CCSER1: variants seen among roughly 807,000 people sequenced by gnomAD.
The protein encoded by CCSER1 is serine-rich coiled-coil domain-containing protein 1.
CCSER1 carries 41 observed loss-of-function variants against 82.0 expected under a neutral mutation model. The observed-to-expected ratio is 0.50, with a 90% CI of 0.39 to 0.65. CCSER1 has a LOEUF of 0.65. Among genes scored for constraint, CCSER1 ranks in the 30% least tolerant of loss-of-function variants. CCSER1 has a pLI of 0.00. For synonymous variants in CCSER1, 414 were observed against 383.9 expected, an observed-to-expected ratio of 1.08 and a Z score of -0.92; for missense variants, 1,119 against 1,064.2, an observed-to-expected ratio of 1.05 and a Z score of -0.72.
intron 1 of CCSER1, among the ~76,000 whole-genome samples, chr4:90,295,831 C>T (rs115209574): frequency 6.6e-6 from 1 of 151,938 alleles, no homozygotes; most frequent in Admixed American, 6.6e-5. Flanking sequence ...ATCCACATAT[C>T]CCCAGTGTCC....
intron 10 of CCSER1, among the ~76,000 whole-genome samples, chr4:91,404,786 A>C (rs1036766358): frequency 6.6e-6 from 1 of 152,116 alleles, no homozygotes; most frequent in African/African-American, 2.4e-5. Flanking sequence ...CTGTTCTTTT[A>C]CATTTGCTGA....
intron 3 of CCSER1, among the ~76,000 whole-genome samples, chr4:90,398,484 T>C (rs1378249904): frequency 1.3e-5 from 2 of 152,242 alleles, no homozygotes; most frequent in East Asian, 1.9e-4. Flanking sequence ...TTGGATAGTG[T>C]GTTTGATAAA....
At chr4:90,720,403 T>A (rs1035334176) in intron 6 of CCSER1, among the ~76,000 whole-genome samples, 1 of 152,212 alleles carries the variant, frequency 6.6e-6, no homozygotes, top group African/African-American at 2.4e-5. Context: ...ATAAGACTTA[T>A]ACAATAAAAT....
chr4:90,835,480 A>G (rs766925331), intron 8 of CCSER1, among the ~76,000 whole-genome samples: 10 of 152,204 alleles, frequency 6.6e-5, no homozygotes, highest in Non-Finnish European at 1.2e-4. Flanking sequence ...TTTACTGTGT[A>G]CGGTATTTAT....
At chr4:90,603,824 T>C (rs942534645) in intron 5 of CCSER1, among the ~76,000 whole-genome samples, 1 of 152,112 alleles carries the variant, frequency 6.6e-6, no homozygotes, top group Non-Finnish European at 1.5e-5. Context: ...ACCCTGTTTG[T>C]AGATGATTTA....
rs560839281 is a variant in CCSER1, at chr4:90,371,010, T to C, written c.1510-29026T>C. 2.4e-4 allele frequency among the ~76,000 whole-genome samples: 36 copies of C among 152,136 alleles called. 1 individual carries two copies. In the South Asian group the frequency reaches 4.8e-3, roughly 20 times the overall value. ...AGCTCATAAGGCTACATTTCTCAGC[T>C]GGGTACAAAACTTGATGAATTAGCA... is the stretch of plus-strand genomic sequence containing the variant. On this transcript the variant is annotated intron_variant, in intron 3 of 10. Transcript: ENST00000509176.
intron 6 of CCSER1, among the ~76,000 whole-genome samples, chr4:90,646,169 T>A (rs1293047114): frequency 6.6e-6 from 1 of 151,954 alleles, no homozygotes; most frequent in Non-Finnish European, 1.5e-5. Context: ...GGGAAAAAAA[T>A]CAGCAGATAA....
intron 7 of CCSER1, among the ~76,000 whole-genome samples, chr4:90,752,476 C>T (rs1453863944): frequency 6.6e-6 from 1 of 152,054 alleles, no homozygotes; most frequent in Non-Finnish European, 1.5e-5. Context: ...CATGTAATAA[C>T]CTACATTTGA....
At position 91,578,551 on chromosome 4, in the gene CCSER1, T is replaced by C. The variant is rs150761730; in HGVS notation, c.2218-20021T>C. Among the ~76,000 whole-genome samples, 45 of 152,038 alleles carry C rather than the reference T, an allele frequency of 3.0e-4. No individual in the cohort carries two copies. In the East Asian group the frequency reaches 8.3e-3, roughly 28 times the overall value. On this transcript the variant is annotated intron_variant, in intron 10 of 10. Coordinates refer to ENST00000509176, the MANE Select transcript of CCSER1 (RefSeq NM_001145065.2). ...TTAGACCTGTTGAAATTTGAAACCA[T>C]TCATCTGAGGAAATTGATGGCTAGA...
intron 5 of CCSER1, among the ~76,000 whole-genome samples, chr4:90,523,691 C>T (rs1379052985): frequency 2.0e-5 from 3 of 151,988 alleles, no homozygotes; most frequent in African/African-American, 7.3e-5. Context: ...GCCATTTAAC[C>T]TTGAGCAGGT....
chr4:91,482,629 A>G (rs977363228), intron 10 of CCSER1, among the ~76,000 whole-genome samples: 1 of 152,050 alleles, frequency 6.6e-6, no homozygotes, highest in African/African-American at 2.4e-5. Context: ...ATGCTGCTAT[A>G]AAGACACATG....
At chr4:90,716,869 A>G (rs1238394896) in intron 6 of CCSER1, among the ~76,000 whole-genome samples, 1 of 152,176 alleles carries the variant, frequency 6.6e-6, no homozygotes, top group Non-Finnish European at 1.5e-5. Flanking sequence ...CTTACATATT[A>G]GACACACTGT....
At chr4:90,407,632 T>C (rs1007295219) in intron 4 of CCSER1, among the ~76,000 whole-genome samples, 2 of 152,148 alleles carry the variant, frequency 1.3e-5, no homozygotes, top group African/African-American at 4.8e-5. Flanking sequence ...TCCAGCATCA[T>C]ATCAAAAAGA....
At chr4:90,496,666 T>A (rs537077707) in intron 5 of CCSER1, among the ~76,000 whole-genome samples, 1 of 152,124 alleles carries the variant, frequency 6.6e-6, no homozygotes. Flanking sequence ...TGAAGGTAAC[T>A]AAAGAAACCT....
At chr4:90,218,903 T>C (rs1488582148) in intron 1 of CCSER1, among the ~76,000 whole-genome samples, 2 of 152,076 alleles carry the variant, frequency 1.3e-5, no homozygotes, top group Non-Finnish European at 2.9e-5. Context: ...AGGATGCCTG[T>C]ATATGTGTTT....
intron 9 of CCSER1, among the ~76,000 whole-genome samples, chr4:91,031,193 G>A (rs546594571): frequency 6.6e-6 from 1 of 152,260 alleles, no homozygotes; most frequent in South Asian, 2.1e-4. Context: ...GCCTGGATGA[G>A]CTTGATTTTG....
At chr4:91,169,035 C>G (rs1732473842) in intron 10 of CCSER1, among the ~76,000 whole-genome samples, 1 of 151,872 alleles carries the variant, frequency 6.6e-6, no homozygotes, top group Non-Finnish European at 1.5e-5. Flanking sequence ...TCCCTAATCT[C>G]AAGTACCTAG....
intron 1 of CCSER1, among the ~76,000 whole-genome samples, chr4:90,250,471 A>G (rs1042424606): frequency 5.3e-5 from 8 of 151,988 alleles, no homozygotes; most frequent in African/African-American, 1.4e-4. Context: ...TGAAAAGACA[A>G]TTCTTTCCTC....
At chr4:90,611,059 C>CTTTTCT (rs1303751301) in intron 5 of CCSER1, among the ~76,000 whole-genome samples, 6 of 93,810 alleles carry the variant, frequency 6.4e-5, no homozygotes, top group African/African-American at 2.2e-4. Context: ...CTTTTCTTTT[C>CTTTTCT]TTTTTTTTTT....
Sources: allele counts gnomAD v4.1 joint callset (sites outside exome capture counted in the v4.1 genomes callset), GRCh38; gene constraint gnomAD v4.1.1; transcripts MANE v1.5; gene names NCBI Gene and HGNC (gene_info 2026-07-23, HGNC 2026-07-21).